The following RFT1 variants were observed in gnomAD, a reference collection of about 807,000 sequenced individuals.
RFT1 encodes the protein man(5)GlcNAc(2)-PP-dolichol translocation protein RFT1.
A neutral mutation model predicts 62.2 loss-of-function variants in RFT1; 43 were observed. That is an observed-to-expected ratio of 0.69 (90% confidence interval 0.54 to 0.89). The LOEUF is 0.89. Among genes scored for constraint, RFT1 ranks in the 40% least tolerant of loss-of-function variants. The pLI, the probability that RFT1 is intolerant of heterozygous loss-of-function variation, is 0.00. For synonymous variants in RFT1, 262 were observed against 264.6 expected, an observed-to-expected ratio of 0.99 and a Z score of 0.10; for missense variants, 605 against 649.9, an observed-to-expected ratio of 0.93 and a Z score of 0.75.
intron 11 of RFT1, among the ~76,000 whole-genome samples, chr3:53,098,103 A>G (rs970617445): frequency 3.2e-4 from 48 of 152,218 alleles, no homozygotes; most frequent in Non-Finnish European, 5.7e-4. Context: ...TCAGTCACAC[A>G]CACCTAAGTG....
the RFT1 span, among the ~76,000 whole-genome samples, chr3:53,075,037 T>C: frequency 6.6e-6 from 1 of 152,136 alleles, no homozygotes; most frequent in Non-Finnish European, 1.5e-5. Context: ...CCCTCAGCCC[T>C]GAGCAGGGGT....
chr3:53,073,086 G>A, the RFT1 span, among the ~76,000 whole-genome samples: 10 of 152,226 alleles, frequency 6.6e-5, no homozygotes, highest in African/African-American at 2.4e-4. Context: ...GGTGGTCCTG[G>A]GCTGTGCCAC....
At chr3:53,105,608 A>C (rs1701446645) in intron 9 of RFT1, 65 bp downstream of exon 9, 1 of 1,553,784 alleles carries the variant, frequency 6.4e-7, no homozygotes, top group African/African-American at 1.4e-5. Flanking sequence ...ACTGCTTCAC[A>C]CTCCTGTCTG....
the RFT1 span, among the ~76,000 whole-genome samples, chr3:53,078,887 T>C: frequency 6.6e-6 from 1 of 152,154 alleles, no homozygotes; most frequent in Admixed American, 6.5e-5. Flanking sequence ...CCCCAACTTT[T>C]CCTTGGCCCC....
At chr3:53,112,604 G>A (rs761957098) in intron 6 of RFT1, among the ~76,000 whole-genome samples, 5 of 152,120 alleles carry the variant, frequency 3.3e-5, no homozygotes, top group African/African-American at 1.2e-4. Context: ...TTAGCTGGGC[G>A]TGGTGCTACG....
At chr3:53,080,512 A>C in the RFT1 span, among the ~76,000 whole-genome samples, 2 of 152,180 alleles carry the variant, frequency 1.3e-5, no homozygotes, top group Non-Finnish European at 2.9e-5. Context: ...ATTTTAAAAG[A>C]TGCTCCACCA....
In RFT1 at chr3:53,091,861, A is replaced by G. The variant is rs1700997554; in HGVS notation, c.*42T>C. ...ATGTGTTCCACCCACAGAACTACCC[A>G]TAGCTGGTCCAGGTGCCTCGGGTGT... On this transcript the variant is annotated 3_prime_UTR_variant, in exon 13 of 13. Coordinates refer to ENST00000296292, the MANE Select transcript of RFT1 (RefSeq NM_052859.4). 1.2e-6 allele frequency: 2 copies of G among 1,605,580 alleles called. No individual in the cohort carries two copies. The highest frequency in any genetic ancestry group is 2.7e-5 in the African/African-American group (2 of 74,792).
chr3:53,102,674 C>G (rs1701351763), intron 10 of RFT1, among the ~76,000 whole-genome samples: 1 of 152,236 alleles, frequency 6.6e-6, no homozygotes, highest in South Asian at 2.1e-4. Context: ...TACACAAAAG[C>G]CTGTCCGTGC....
downstream of RFT1, among the ~76,000 whole-genome samples, chr3:53,084,091 C>T (rs574574537): frequency 2.6e-5 from 4 of 152,364 alleles, no homozygotes; most frequent in South Asian, 8.3e-4. Flanking sequence ...CTTTGTGGTT[C>T]TCCCTGCATG....
At chr3:53,097,604 A>G (rs753667679) in intron 11 of RFT1, among the ~76,000 whole-genome samples, 11 of 152,232 alleles carry the variant, frequency 7.2e-5, no homozygotes, top group Non-Finnish European at 1.6e-4. Context: ...TTCCCTCACA[A>G]TTTGGTTGCA....
intron 11 of RFT1, among the ~76,000 whole-genome samples, chr3:53,095,224 C>G (rs1701108692): frequency 6.6e-6 from 1 of 151,914 alleles, no homozygotes; most frequent in Admixed American, 6.6e-5. Context: ...GATCACGCCA[C>G]TGTACTCCAG....
intron 11 of RFT1, among the ~76,000 whole-genome samples, chr3:53,097,109 CT>C (rs965960300): frequency 2.6e-5 from 4 of 152,110 alleles, no homozygotes; most frequent in Admixed American, 6.6e-5. Flanking sequence ...AAAATGCCTG[CT>C]TTTTTTCTAT....
intron 7 of RFT1, among the ~76,000 whole-genome samples, chr3:53,109,439 A>G (rs756628764): frequency 6.6e-6 from 1 of 152,236 alleles, no homozygotes; most frequent in Non-Finnish European, 1.5e-5. Flanking sequence ...CATTCATCTC[A>G]GTATTCTCAG....
chr3:53,072,150 A>G, the RFT1 span, among the ~76,000 whole-genome samples: 1 of 152,156 alleles, frequency 6.6e-6, no homozygotes, highest in African/African-American at 2.4e-5. Context: ...AGGCTGCCTC[A>G]TTCCTGCTGC....
intron 7 of RFT1, among the ~76,000 whole-genome samples, chr3:53,110,417 G>A (rs558602603): frequency 8.5e-5 from 13 of 152,358 alleles, no homozygotes; most frequent in Non-Finnish European, 1.5e-4. Flanking sequence ...GGAGCTAAGT[G>A]CTCAGGCCCT....
the RFT1 span, among the ~76,000 whole-genome samples, chr3:53,068,514 T>C: frequency 1.1e-4 from 17 of 152,178 alleles, no homozygotes; most frequent in African/African-American, 3.9e-4. Context: ...CAGTATTCTG[T>C]CCACTTTACA....
chr3:53,076,407 GGAA>G, the RFT1 span, among the ~76,000 whole-genome samples: 1 of 151,986 alleles, frequency 6.6e-6, no homozygotes, highest in African/African-American at 2.4e-5. Flanking sequence ...GATTTTGTAG[GGAA>G]GAATATAAAG....
At chr3:53,127,476 C>A (rs570913953) in intron 1 of RFT1, among the ~76,000 whole-genome samples, 1 of 151,880 alleles carries the variant, frequency 6.6e-6, no homozygotes, top group Non-Finnish European at 1.5e-5. Flanking sequence ...CCGAGGCTGG[C>A]GGATCATGAG....
intron 10 of RFT1, chr3:53,103,325 A>G (rs1701370227): frequency 1.0e-6 from 1 of 961,064 alleles, no homozygotes; most frequent in African/African-American, 1.8e-5. Context: ...ATGGACTGCC[A>G]GCTTACAGCC....
Sources: gnomAD v4.1 joint callset for allele counts (sites outside exome capture counted in the v4.1 genomes callset) on GRCh38, gnomAD v4.1.1 for gene constraint, MANE v1.5 for transcripts, NCBI Gene and HGNC (gene_info 2026-07-23, HGNC 2026-07-21) for gene names.